RAD51: variants seen among roughly 807,000 people sequenced by gnomAD.
RAD51 encodes DNA repair protein RAD51 homolog 1.
In RAD51, 14 loss-of-function variants were observed where a neutral mutation model predicts 41.5. The observed-to-expected ratio is 0.34, with a 90% CI of 0.22 to 0.53. The LOEUF (loss-of-function observed/expected upper bound fraction) is 0.53, where lower values mean the gene tolerates loss of function less well. RAD51 is among the 20% of genes least tolerant of loss of function. The pLI is 0.95. For synonymous variants in RAD51, 136 were observed against 148.6 expected (o/e 0.92, Z 0.62); for missense variants, 234 against 422.0 (o/e 0.55, Z 3.90).
In RAD51 at chr15:40,711,497, T is replaced by C. The variant is rs556460621; in HGVS notation, c.435+2381T>C. On this transcript the variant is annotated intron_variant, in intron 5 of 9. Transcript: ENST00000267868. The stretch of plus-strand genomic sequence containing the variant: ...TAGATGTCCAAAAACATGCCTGATA[T>C]ATAAAATGAATGTCACAGAGGAAAT... Among the ~76,000 whole-genome samples, 7 of 152,292 alleles carry C rather than the reference T, an allele frequency of 4.6e-5. No individual in the cohort carries two copies. In the East Asian group the frequency reaches 9.6e-4, roughly 21 times the overall value.
At chr15:40,725,614 T>TAATTCTCA (rs1896540629) in intron 6 of RAD51, among the ~76,000 whole-genome samples, 1 of 152,152 alleles carries the variant, frequency 6.6e-6, no homozygotes, top group South Asian at 2.1e-4. Context: ...GAGAACTTGT[T>TAATTCTCA]AGAAATGCAA....
chr15:40,718,219 T>G (rs982520256), intron 5 of RAD51, among the ~76,000 whole-genome samples: 2 of 135,766 alleles, frequency 1.5e-5, no homozygotes, highest in African/African-American at 5.6e-5. Flanking sequence ...TGAGACCCTG[T>G]CTCCAAAACA....
At chr15:40,724,349 T>C (rs1896434784) in intron 6 of RAD51, among the ~76,000 whole-genome samples, 1 of 152,168 alleles carries the variant, frequency 6.6e-6, no homozygotes, top group Non-Finnish European at 1.5e-5. Context: ...ACTAAAACAT[T>C]CTCTTGTAAC....
intron 4 of RAD51, among the ~76,000 whole-genome samples, chr15:40,708,552 A>G (rs1160706206): frequency 6.7e-6 from 1 of 150,258 alleles, no homozygotes; most frequent in Non-Finnish European, 1.5e-5. Flanking sequence ...CTATAAATCT[A>G]ATTATTTCAA....
intron 3 of RAD51, among the ~76,000 whole-genome samples, chr15:40,705,764 C>T (rs893517438): frequency 1.3e-5 from 2 of 152,116 alleles, no homozygotes; most frequent in Admixed American, 1.3e-4. Flanking sequence ...GCCACCACGC[C>T]CGACTAATTT....
At chr15:40,712,316 G>A (rs897966752) in intron 5 of RAD51, among the ~76,000 whole-genome samples, 2 of 152,166 alleles carry the variant, frequency 1.3e-5, no homozygotes, top group Non-Finnish European at 2.9e-5. Context: ...AGACAGTTTT[G>A]TTGGAAACAT....
At chr15:40,710,426 C>T (rs1167274267) in intron 5 of RAD51, among the ~76,000 whole-genome samples, 15 of 137,290 alleles carry the variant, frequency 1.1e-4, no homozygotes, top group African/African-American at 1.4e-4. Flanking sequence ...CGCTTGAACC[C>T]GGGGGGCAGA....
rs1804269 is a variant in RAD51, at chr15:40,729,538, C to T, written c.678C>T (p.Ala226=). The T allele has an allele frequency of 6.2e-7, 1 of 1,613,976 alleles. No homozygotes were observed. The highest frequency in any genetic ancestry group is 8.5e-7 in the Non-Finnish European group (1 of 1,179,986). The change falls in exon 8 of 10, where the codon GCC becomes GCT. Residue 226 remains alanine, a synonymous_variant. Transcript: ENST00000267868. Reference sequence around the variant, plus strand: ...TGCTTATTGTAGACAGTGCCACCGCCCTTTACAGAACAGACTACTCGGGTC... The same window carrying T: ...TGCTTATTGTAGACAGTGCCACCGCTCTTTACAGAACAGACTACTCGGGTC... ...YALLIVDSAT[A]LYRTDYSGRG...
chr15:40,723,558 A>G (rs1264769756), intron 6 of RAD51, among the ~76,000 whole-genome samples: 1 of 152,218 alleles, frequency 6.6e-6, no homozygotes, highest in Non-Finnish European at 1.5e-5. Context: ...GCTAAATGAT[A>G]GAAGTTAAAC....
intron 1 of RAD51, among the ~76,000 whole-genome samples, chr15:40,697,270 T>G (rs1894701440): frequency 6.6e-6 from 1 of 152,064 alleles, no homozygotes; most frequent in South Asian, 2.1e-4. Flanking sequence ...CCAGCTAATT[T>G]TGTATTTTTC....
At chr15:40,720,761 G>T (rs994350532) in intron 6 of RAD51, among the ~76,000 whole-genome samples, 2 of 151,888 alleles carry the variant, frequency 1.3e-5, no homozygotes, top group African/African-American at 2.4e-5. Context: ...AAATACTTAG[G>T]AATAAATTTA....
At chr15:40,729,744 A>T in intron 8 of RAD51, 109 bp from the exon 9 acceptor site, 1 of 1,609,886 alleles carries the variant, frequency 6.2e-7, no homozygotes, top group South Asian at 1.1e-5. Flanking sequence ...GCTCTTAGGA[A>T]GAAGAGAGAC....
rs367685211 is a variant in RAD51 at position 40,731,140 on chromosome 15, G to A, written c.982G>A (p.Ala328Thr). The change falls in exon 10 of 10, where the codon GCC (alanine) becomes ACC (threonine). Residue 328 changes from alanine (A) to threonine (T), a missense_variant. This residue lies in a region of RAD51 where 134 missense variants were observed against 286.5 expected (regional missense o/e 0.47). Transcript: ENST00000267868. ...TCTTCCTGAAGCTGAAGCTATGTTCGCCATTAATGCAGATGGAGTGGGAGA... is the reference window on the plus strand; with the variant it reads ...TCTTCCTGAAGCTGAAGCTATGTTCACCATTAATGCAGATGGAGTGGGAGA... ...PCLPEAEAMF[A>T]INADGVGDAK... The A allele has an allele frequency of 8.1e-6, 13 of 1,613,944 alleles. No individual in the cohort carries two copies. Among genetic ancestry groups the A allele is most frequent in the African/African-American group, 2.7e-5 (2 of 74,886 alleles).
intron 6 of RAD51, among the ~76,000 whole-genome samples, chr15:40,721,563 G>A (rs753732851): frequency 2.6e-5 from 4 of 151,862 alleles, no homozygotes; most frequent in Non-Finnish European, 5.9e-5. Context: ...GGCTGGTCTC[G>A]AACTCCTGGC....
chr15:40,728,372 G>C (rs935680241), intron 6 of RAD51, among the ~76,000 whole-genome samples: 1 of 151,956 alleles, frequency 6.6e-6, no homozygotes, highest in African/African-American at 2.4e-5. Flanking sequence ...CAGGAGAATC[G>C]CGTGAACCCA....
chr15:40,703,107 G>T (rs2141824003), intron 3 of RAD51, among the ~76,000 whole-genome samples: 1 of 152,204 alleles, frequency 6.6e-6, no homozygotes, highest in Non-Finnish European at 1.5e-5. Flanking sequence ...ACATCTACTT[G>T]TACTATAGTT....
In RAD51 at chr15:40,729,653, A is replaced by G. The variant is rs766721231; in HGVS notation, c.774+19A>G. ...TGATGAGGTAAGTTGTGGGATAGGGACAGAGAATGCCTACTTTCAGTGGCT... is the reference window on the plus strand; with the variant it reads ...TGATGAGGTAAGTTGTGGGATAGGGGCAGAGAATGCCTACTTTCAGTGGCT... On this transcript the variant is annotated intron_variant, in intron 8 of 9. Transcript: ENST00000267868. The G allele has an allele frequency of 6.2e-6, 10 of 1,613,308 alleles. No homozygotes were observed. The highest frequency in any genetic ancestry group is 8.5e-6 in the Non-Finnish European group (10 of 1,179,946).
chr15:40,700,915 TCCCATCTCC>T, intron 2 of RAD51, 140 bp from the exon 3 acceptor site: 1 of 1,019,652 alleles, frequency 9.8e-7, no homozygotes, highest in Non-Finnish European at 1.4e-6. Context: ...GGAACCAACT[TCCCATCTCC>T]CCCCGCCCCC....
At chr15:40,729,722 T>C in intron 8 of RAD51, 88 bp downstream of exon 8, 1 of 1,609,742 alleles carries the variant, frequency 6.2e-7, no homozygotes, top group Non-Finnish European at 8.5e-7. Flanking sequence ...CATCAGTGCC[T>C]GAGATCATCA....
Sources: gnomAD v4.1 joint callset for allele counts (sites outside exome capture counted in the v4.1 genomes callset) on GRCh38, gnomAD v4.1.1 for gene constraint, gnomAD v4.1.1 regional missense constraint, MANE v1.5 for transcripts, NCBI Gene and HGNC (gene_info 2026-07-23, HGNC 2026-07-21) for gene names.